The following SRBD1 variants were observed in gnomAD, a reference collection of about 807,000 sequenced individuals.
SRBD1 encodes S1 RNA binding domain 1, also known as S1 RNA-binding domain-containing protein 1.
In SRBD1, 88 loss-of-function variants were observed where a neutral mutation model predicts 115.3. The observed-to-expected ratio is 0.76, with a 90% CI of 0.64 to 0.91. SRBD1 has a LOEUF of 0.91. SRBD1 is among the 40% of genes least tolerant of loss of function. The probability of loss-of-function intolerance (pLI) is 0.00; values close to 1 mark genes in which losing one functional copy is unlikely to be tolerated. For synonymous variants in SRBD1, 509 were observed against 407.7 expected (o/e 1.25, Z -2.99); for missense variants, 1,385 against 1,177.4 (o/e 1.18, Z -2.58).
At chr2:45,425,583 G>C (rs1425534700) in intron 16 of SRBD1, among the ~76,000 whole-genome samples, 6 of 152,170 alleles carry the variant, frequency 3.9e-5, no homozygotes, top group African/African-American at 1.4e-4. Flanking sequence ...CAATGCAGAA[G>C]GTGGGTGATT....
chr2:45,404,237 GGGGAGAGAC>G (rs1461531894), intron 19 of SRBD1, among the ~76,000 whole-genome samples: 1 of 152,112 alleles, frequency 6.6e-6, no homozygotes, highest in African/African-American at 2.4e-5. Context: ...TGAAGATTTT[GGGGAGAGAC>G]GGGTTCAGAT....
At chr2:45,426,436 A>T (rs867730733) in intron 16 of SRBD1, among the ~76,000 whole-genome samples, 3 of 152,232 alleles carry the variant, frequency 2.0e-5, no homozygotes, top group South Asian at 2.1e-4. Context: ...CAGCAGACTT[A>T]AACGTTCTTG....
At chr2:45,604,179 T>C (rs1280088771) in intron 2 of SRBD1, among the ~76,000 whole-genome samples, 1 of 152,074 alleles carries the variant, frequency 6.6e-6, no homozygotes, top group African/African-American at 2.4e-5. Flanking sequence ...CTATAGTCTA[T>C]TCTCCACCAA....
At chr2:45,523,157 AC>A (rs1671338208) in intron 14 of SRBD1, among the ~76,000 whole-genome samples, 2 of 152,176 alleles carry the variant, frequency 1.3e-5, no homozygotes, top group Admixed American at 6.5e-5. Flanking sequence ...AACACAACAT[AC>A]CAAAACTTAA....
chr2:45,482,500 T>G (rs545197200), intron 15 of SRBD1, among the ~76,000 whole-genome samples: 1 of 152,068 alleles, frequency 6.6e-6, no homozygotes, highest in East Asian at 1.9e-4. Context: ...GGTACATAAT[T>G]GTAGTTATAA....
intron 15 of SRBD1, among the ~76,000 whole-genome samples, chr2:45,484,465 C>G (rs1010403411): frequency 4.6e-5 from 7 of 152,186 alleles, no homozygotes; most frequent in African/African-American, 1.4e-4. Context: ...TGCCCTCTAT[C>G]GTAGAAACCT....
At chr2:45,400,415 T>C (rs979736832) in intron 19 of SRBD1, among the ~76,000 whole-genome samples, 3 of 152,110 alleles carry the variant, frequency 2.0e-5, no homozygotes, top group Non-Finnish European at 2.9e-5. Context: ...AACTTTATGA[T>C]TGGCCAGCAA....
At chr2:45,583,116 A>AT (rs1558494114) in intron 5 of SRBD1, among the ~76,000 whole-genome samples, 1 of 152,156 alleles carries the variant, frequency 6.6e-6, no homozygotes. Flanking sequence ...AATCTGCCTA[A>AT]TAATGGTATT....
chr2:45,504,320 A>C (rs1255636398), intron 14 of SRBD1, among the ~76,000 whole-genome samples: 8 of 152,112 alleles, frequency 5.3e-5, no homozygotes, highest in African/African-American at 1.9e-4. Context: ...ACAAACTTTC[A>C]ACACAGTCTG....
intron 18 of SRBD1, among the ~76,000 whole-genome samples, chr2:45,415,687 GGGAGA>G (rs1444810462): frequency 0.11 from 387 of 3,678 alleles, 14 homozygotes; most frequent in African/African-American, 0.13. Flanking sequence ...GGGAGGGGAC[GGGAGA>G]GGAGAGGAGA....
intron 14 of SRBD1, among the ~76,000 whole-genome samples, chr2:45,517,871 C>T (rs576590244): frequency 7.2e-5 from 11 of 151,812 alleles, no homozygotes; most frequent in African/African-American, 2.2e-4. Context: ...TCTGGCAGCA[C>T]GTGCCTGTAC....
Position 45,573,158 on chromosome 2 carries a change from T to G in SRBD1, c.1305+49A>C. ...AGTAAAGTAGCAGGCAAATCCAAAA[T>G]ATTATCATTATTACGAAATCAGCAT... On this transcript the variant is annotated intron_variant, in intron 9 of 20. Coordinates refer to ENST00000263736, the MANE Select transcript of SRBD1 (RefSeq NM_018079.5). 3.9e-6 allele frequency: 6 copies of G among 1,521,436 alleles called. No individual in the cohort carries two copies. The Admixed American group carries it at 1.4e-4, about 35-fold the overall frequency. The allele number at this position is 1,521,436 out of a possible 1,614,324, so 94.2% of individuals were successfully genotyped here.
At chr2:45,598,110 C>G (rs1430594763) in intron 4 of SRBD1, among the ~76,000 whole-genome samples, 1 of 152,224 alleles carries the variant, frequency 6.6e-6, no homozygotes, top group Non-Finnish European at 1.5e-5. Flanking sequence ...CAGGGTGAAT[C>G]TGATGCAGGT....
intron 10 of SRBD1, among the ~76,000 whole-genome samples, chr2:45,560,796 A>G (rs58664858): frequency 0.075 from 11,429 of 152,138 alleles, 739 homozygotes; most frequent in African/African-American, 0.18. Context: ...TTTATAAAGG[A>G]AATAAGCATT....
At position 45,395,406 on chromosome 2, in the gene SRBD1, C is replaced by A. The variant is rs541714535; in HGVS notation, c.2514-2277G>T. Among the ~76,000 whole-genome samples the A allele has an allele frequency of 2.0e-5, 3 of 152,262 alleles. No individual in the cohort carries two copies. In the South Asian group the frequency reaches 6.2e-4, roughly 32 times the overall value. On this transcript the variant is annotated intron_variant, in intron 19 of 20. Coordinates refer to ENST00000263736, the MANE Select transcript of SRBD1 (RefSeq NM_018079.5). ...AGAGAGAGAGGGAGAGAGGAACTAA[C>A]TACTACCAAAGTCACTTCCAAATAA...
chr2:45,397,575 T>G (rs1280325627), intron 19 of SRBD1, among the ~76,000 whole-genome samples: 1 of 152,146 alleles, frequency 6.6e-6, no homozygotes, highest in East Asian at 1.9e-4. Flanking sequence ...GACAGCAATG[T>G]GAACTGCATT....
At chr2:45,555,647 C>G (rs1027310256) in intron 10 of SRBD1, among the ~76,000 whole-genome samples, 1 of 151,956 alleles carries the variant, frequency 6.6e-6, no homozygotes, top group East Asian at 1.9e-4. Context: ...CCACCATACC[C>G]GGCTAATTTT....
chr2:45,437,980 C>A (rs1302697585), intron 16 of SRBD1, among the ~76,000 whole-genome samples: 1 of 152,034 alleles, frequency 6.6e-6, no homozygotes, highest in Non-Finnish European at 1.5e-5. Context: ...TTTGTCTAAA[C>A]CCATAATGTG....
intron 5 of SRBD1, among the ~76,000 whole-genome samples, chr2:45,582,492 T>G (rs995941876): frequency 2.0e-5 from 3 of 152,192 alleles, no homozygotes; most frequent in Admixed American, 1.3e-4. Flanking sequence ...TATAAGTATT[T>G]TGTGGAGAGG....
Sources: gnomAD v4.1 joint callset for allele counts (sites outside exome capture counted in the v4.1 genomes callset) on GRCh38, gnomAD v4.1.1 for gene constraint, MANE v1.5 for transcripts, NCBI Gene and HGNC (gene_info 2026-07-23, HGNC 2026-07-21) for gene names.